The following RAD52 variants were observed in gnomAD, a reference collection of about 807,000 sequenced individuals.
The protein encoded by RAD52 is RAD52 DNA repair protein, also known as DNA repair protein RAD52 homolog.
In RAD52, 47 loss-of-function variants were observed where a neutral mutation model predicts 55.5. That is an observed-to-expected ratio of 0.85 (90% CI 0.67 to 1.08). RAD52 has a LOEUF of 1.08. Ranked by LOEUF, RAD52 falls within the 50% of genes least tolerant of loss-of-function variation. The probability of loss-of-function intolerance (pLI) is 0.00; values close to 1 mark genes in which losing one functional copy is unlikely to be tolerated. For missense variants in RAD52, 468 were observed against 522.8 expected (o/e 0.90, Z 1.02); for synonymous variants, 184 against 198.9 (o/e 0.92, Z 0.63).
intron 1 of RAD52, among the ~76,000 whole-genome samples, chr12:948,397 C>T (rs929830442): frequency 6.6e-6 from 1 of 152,156 alleles, no homozygotes; most frequent in Non-Finnish European, 1.5e-5. Flanking sequence ...CTGAATTGCA[C>T]ACTTTAAAAG....
intron 3 of RAD52, among the ~76,000 whole-genome samples, chr12:930,733 G>A (rs1400356943): frequency 1.3e-5 from 2 of 151,942 alleles, no homozygotes; most frequent in Non-Finnish European, 2.9e-5. Context: ...TTGGGAGGCC[G>A]AGGTGGGAGG....
At position 916,715 on chromosome 12, in the gene RAD52, G is replaced by T. The variant is rs1168294454; in HGVS notation, c.649C>A (p.Pro217Thr). ...GGGGAGGTCACCTGCTGCAGCTGTG[G>T]GTGTCCCAGGGCCATGTTCGGTCGG... ...SCRPNMALGH[P>T]QLQQVTSPSR... The change falls in exon 8 of 12, where the codon CCA becomes ACA. Residue 217 changes from proline (P) to threonine (T), a missense_variant. Transcript: ENST00000358495. The T allele has an allele frequency of 8.7e-6, 14 of 1,614,068 alleles. No homozygotes were observed. The highest frequency in any genetic ancestry group is 1.0e-5 in the Non-Finnish European group (12 of 1,180,044).
At chr12:952,486 C>T (rs1195316716), upstream of RAD52, among the ~76,000 whole-genome samples, 3 of 152,036 alleles carry the variant, frequency 2.0e-5, no homozygotes, top group African/African-American at 7.2e-5. Context: ...GAAATTATAA[C>T]CTCCAGTACT....
intron 1 of RAD52, chr12:974,000 A>C (rs573691957): frequency 6.6e-6 from 1 of 152,014 alleles, no homozygotes; most frequent in South Asian, 2.1e-4. Context: ...CCAGGCTGTC[A>C]ACAGGATTTA....
At chr12:920,880 G>A (rs1452677742) in intron 7 of RAD52, among the ~76,000 whole-genome samples, 2 of 152,100 alleles carry the variant, frequency 1.3e-5, no homozygotes, top group African/African-American at 4.8e-5. Context: ...CATTCTCCAA[G>A]ACAGACTACA....
chr12:940,606 C>T (rs978719847), intron 1 of RAD52, among the ~76,000 whole-genome samples: 13 of 151,198 alleles, frequency 8.6e-5, no homozygotes, highest in African/African-American at 3.2e-4. Context: ...AGCAAGACTC[C>T]GTCTAAAACA....
intron 1 of RAD52, among the ~76,000 whole-genome samples, chr12:984,311 T>C (rs1959057999): frequency 6.6e-6 from 1 of 152,012 alleles, no homozygotes; most frequent in South Asian, 2.1e-4. Flanking sequence ...TTTTCCTGCC[T>C]CATCCTCCCG....
chr12:953,086 C>T (rs1958557799), upstream of RAD52, among the ~76,000 whole-genome samples: 1 of 139,848 alleles, frequency 7.2e-6, no homozygotes, highest in Non-Finnish European at 1.5e-5. Flanking sequence ...GGGCGGATCA[C>T]TTGAGGTCAG....
intron 1 of RAD52, among the ~76,000 whole-genome samples, chr12:986,126 G>A (rs1468955034): frequency 6.6e-6 from 1 of 151,604 alleles, no homozygotes; most frequent in African/African-American, 2.4e-5. Context: ...TAGAGATGGG[G>A]TTTTTCCATG....
chr12:969,808 T>C (rs995855388), intron 1 of RAD52, among the ~76,000 whole-genome samples: 7 of 151,274 alleles, frequency 4.6e-5, no homozygotes, highest in Non-Finnish European at 7.4e-5. Flanking sequence ...AAAAAAAGAT[T>C]TTAGTATGTG....
At chr12:970,318 C>CAAAAAAAAAAAAAAAAA in intron 1 of RAD52, among the ~76,000 whole-genome samples, 1 of 67,182 alleles carries the variant, frequency 1.5e-5, no homozygotes, top group Non-Finnish European at 2.6e-5. Flanking sequence ...GACATCATCT[C>CAAAAAAAAAAAAAAAAA]AAAAAAAAAA....
chr12:923,437 C>A (rs1399321999), intron 7 of RAD52, among the ~76,000 whole-genome samples: 12 of 151,996 alleles, frequency 7.9e-5, no homozygotes, highest in African/African-American at 2.9e-4. Context: ...GTAGTCCCAG[C>A]CACCTGAGAG....
At chr12:970,318 C>CAAAAAAAAAAAAAAAAAAAA (rs4017793) in intron 1 of RAD52, among the ~76,000 whole-genome samples, 2 of 67,182 alleles carry the variant, frequency 3.0e-5, no homozygotes, top group Non-Finnish European at 2.6e-5. Flanking sequence ...GACATCATCT[C>CAAAAAAAAAAAAAAAAAAAA]AAAAAAAAAA....
At chr12:953,956 C>A (rs1386502714), upstream of RAD52, among the ~76,000 whole-genome samples, 1 of 152,214 alleles carries the variant, frequency 6.6e-6, no homozygotes. Flanking sequence ...AGCTTGCTCT[C>A]CACCGCCCTT....
intron 1 of RAD52, among the ~76,000 whole-genome samples, chr12:939,311 C>G (rs998709432): frequency 6.6e-6 from 1 of 151,936 alleles, no homozygotes; most frequent in Non-Finnish European, 1.5e-5. Flanking sequence ...ACGCCACACA[C>G]GGCATATTTT....
In RAD52 at chr12:914,230, A is replaced by C. The variant is rs1244916435; in HGVS notation, c.968-109T>G. On this transcript the variant is annotated intron_variant, in intron 10 of 11. Coordinates refer to ENST00000358495, the MANE Select transcript of RAD52 (RefSeq NM_134424.4). The stretch of plus-strand genomic sequence containing the variant: ...TTCCATGTCTTCAGTACCTTCTGAA[A>C]GTTTTTGGAATTTCTCTCCCCTCCC... 3.8e-6 allele frequency: 5 copies of C among 1,304,620 alleles called. No homozygotes were observed. In the Admixed American group the frequency reaches 1.2e-4, roughly 32 times the overall value. The allele number at this position is 1,304,620 out of a possible 1,614,324, so 80.8% of individuals were successfully genotyped here. A position where few individuals can be genotyped will look rare whatever the true frequency, so the allele number is the denominator to read the frequency against.
chr12:940,841 G>A (rs766877195), intron 1 of RAD52, among the ~76,000 whole-genome samples: 8 of 151,272 alleles, frequency 5.3e-5, no homozygotes, highest in Non-Finnish European at 7.4e-5. Flanking sequence ...TCCTGCTCAC[G>A]AAATGCAAAC....
rs1054413998 is a variant in RAD52 at position 926,126 on chromosome 12, C to T, written c.468-601G>A. Among the ~76,000 whole-genome samples, 4 of 152,062 alleles carry T rather than the reference C, an allele frequency of 2.6e-5. No individual in the cohort carries two copies. The East Asian group carries it at 7.7e-4, about 29-fold the overall frequency. ...AGGTACTGGATCCTGGGGCTGGATT[C>T]CTCATAAACAGCTTAGTGCCATCCC... On this transcript the variant is annotated intron_variant, in intron 6 of 11. Transcript: ENST00000358495.
intron 1 of RAD52, among the ~76,000 whole-genome samples, chr12:973,866 A>G (rs1382257326): frequency 6.9e-6 from 1 of 144,770 alleles, no homozygotes; most frequent in Non-Finnish European, 1.5e-5. Flanking sequence ...AGCTATCTGT[A>G]GCCTCAACTC....
Sources: gnomAD v4.1 joint callset for allele counts (sites outside exome capture counted in the v4.1 genomes callset) on GRCh38, gnomAD v4.1.1 for gene constraint, MANE v1.5 for transcripts, NCBI Gene and HGNC (gene_info 2026-07-23, HGNC 2026-07-21) for gene names.